GAD2: variants seen among roughly 807,000 people sequenced by gnomAD.
GAD2 encodes the protein glutamate decarboxylase 2.
GAD2 carries 22 observed loss-of-function variants against 80.1 expected under a neutral mutation model. That is an observed-to-expected ratio of 0.27 (90% CI 0.20 to 0.39). The LOEUF (loss-of-function observed/expected upper bound fraction) is 0.39, where lower values mean the gene tolerates loss of function less well. GAD2 is among the 10% of genes least tolerant of loss of function. GAD2 has a pLI of 1.00. For missense variants in GAD2, 624 were observed against 738.4 expected (o/e 0.85, Z 1.80); for synonymous variants, 274 against 256.9 (o/e 1.07, Z -0.64).
chr10:26,268,190 C>T (rs148725431), intron 8 of GAD2, among the ~76,000 whole-genome samples: 76 of 152,312 alleles, frequency 5.0e-4, no homozygotes, highest in Non-Finnish European at 6.3e-4. Flanking sequence ...TTCTCTGGGC[C>T]GGGCACGGTG....
chr10:26,284,564 CTTTTTTTTT>C (rs35046451), intron 12 of GAD2, among the ~76,000 whole-genome samples: 20 of 93,160 alleles, frequency 2.1e-4, no homozygotes, highest in Middle Eastern at 9.1e-3. Context: ...GGCTGTTCAG[CTTTTTTTTT>C]TTTTTTTTTT....
chr10:26,241,669 G>A (rs999498469), intron 7 of GAD2, among the ~76,000 whole-genome samples: 6 of 151,950 alleles, frequency 3.9e-5, no homozygotes, highest in Admixed American at 1.3e-4. Context: ...GTACGTGTAT[G>A]CACATGCATG....
intron 6 of GAD2, among the ~76,000 whole-genome samples, chr10:26,225,147 A>G (rs933025201): frequency 2.0e-5 from 3 of 152,224 alleles, no homozygotes; most frequent in African/African-American, 7.2e-5. Flanking sequence ...TTCAAGGAGG[A>G]CAGAGAACGC....
chr10:26,219,481 A>T (rs1265001096), intron 4 of GAD2, among the ~76,000 whole-genome samples: 1 of 152,186 alleles, frequency 6.6e-6, no homozygotes, highest in Non-Finnish European at 1.5e-5. Flanking sequence ...GAAGTTGATA[A>T]TGTCAGAAAC....
At chr10:26,282,441 A>T (rs895686480) in intron 12 of GAD2, among the ~76,000 whole-genome samples, 8 of 151,864 alleles carry the variant, frequency 5.3e-5, no homozygotes, top group Admixed American at 2.6e-4. Flanking sequence ...AAATATATTT[A>T]AAAAGTATAA....
chr10:26,219,643 G>C (rs1411189513), intron 4 of GAD2, among the ~76,000 whole-genome samples: 1 of 152,190 alleles, frequency 6.6e-6, no homozygotes, highest in African/African-American at 2.4e-5. Flanking sequence ...CTCGAAAAAT[G>C]CGTGATCCAA....
At chr10:26,262,270 T>G (rs1354941432) in intron 8 of GAD2, among the ~76,000 whole-genome samples, 1 of 78,576 alleles carries the variant, frequency 1.3e-5, no homozygotes, top group African/African-American at 9.7e-5. Flanking sequence ...TGGTTATTAG[T>G]TTTTTTTTTT....
At chr10:26,287,947 G>T (rs752812242) in intron 13 of GAD2, among the ~76,000 whole-genome samples, 2 of 152,228 alleles carry the variant, frequency 1.3e-5, no homozygotes, top group Non-Finnish European at 2.9e-5. Context: ...CAGGAGGGAA[G>T]TATACCAGGA....
At chr10:26,268,318 A>G (rs1231441810) in intron 8 of GAD2, among the ~76,000 whole-genome samples, 1 of 152,134 alleles carries the variant, frequency 6.6e-6, no homozygotes, top group Middle Eastern at 3.2e-3. Context: ...AATACAAAAA[A>G]TTAGCCAGGC....
intron 9 of GAD2, among the ~76,000 whole-genome samples, chr10:26,269,528 A>G (rs1447418798): frequency 6.6e-6 from 1 of 152,246 alleles, no homozygotes; most frequent in Non-Finnish European, 1.5e-5. Flanking sequence ...ACCCTGGTGC[A>G]GTTCTTCAAA....
At position 26,217,332 on chromosome 10, in the gene GAD2, G is replaced by A. The variant is rs2132267217; in HGVS notation, c.77-278G>A. On this transcript the variant is annotated intron_variant, in intron 1 of 15. Transcript: ENST00000376261. The surrounding 1 kb of genome is among the most constrained non-coding windows in gnomAD (Gnocchi z 4.9). ...TAGGAAAACTCGTCCAAGGTAGGCA[G>A]GGAGAGGAATTTGCCTGAGCCGATT... Among the ~76,000 whole-genome samples the A allele has an allele frequency of 6.6e-6, 1 of 152,310 alleles. No homozygotes were observed. Among genetic ancestry groups the A allele is most frequent in the South Asian group, 2.1e-4 (1 of 4,824 alleles).
At chr10:26,275,889 C>T (rs573097693) in intron 11 of GAD2, among the ~76,000 whole-genome samples, 14 of 152,258 alleles carry the variant, frequency 9.2e-5, no homozygotes, top group Non-Finnish European at 1.6e-4. Flanking sequence ...GGGCCGGGCA[C>T]GGTGCTTGTA....
rs1834349670 is a variant in GAD2, at chr10:26,303,473, AGGGAGGG to A, written c.*2513_*2519del. ...GAGGGAGGGAGGGAGGGAGGGAAGG[AGGGAGGG>A]AGGAAGGAAATGAAGGGAGGGAGGG... On this transcript the variant is annotated 3_prime_UTR_variant, in exon 16 of 16. Transcript: ENST00000376261. 6.4e-5 allele frequency: 7 copies of A among 109,022 alleles called. No individual in the cohort carries two copies. Among genetic ancestry groups the A allele is most frequent in the South Asian group, 3.5e-4 (1 of 2,818 alleles). The allele number at this position is 109,022 out of a possible 1,614,324, so 6.8% of individuals were successfully genotyped here. A position where few individuals can be genotyped will look rare whatever the true frequency, so the allele number is the denominator to read the frequency against.
intron 8 of GAD2, among the ~76,000 whole-genome samples, chr10:26,258,659 T>C: frequency 6.6e-6 from 1 of 152,224 alleles, no homozygotes; most frequent in East Asian, 1.9e-4. Context: ...GTAACTTGTC[T>C]ATTTCACAAT....
At chr10:26,282,599 T>C (rs1401902420) in intron 12 of GAD2, among the ~76,000 whole-genome samples, 1 of 152,180 alleles carries the variant, frequency 6.6e-6, no homozygotes, top group Non-Finnish European at 1.5e-5. Context: ...TATCACATAA[T>C]TCAATGAACA....
At chr10:26,219,013 A>G (rs373629179) in intron 3 of GAD2, 30 bp from the exon 4 acceptor site, 30 of 1,472,610 alleles carry the variant, frequency 2.0e-5, no homozygotes, top group Non-Finnish European at 2.7e-5. Context: ...AAGTAAAATT[A>G]AAATGTGGCA....
intron 7 of GAD2, among the ~76,000 whole-genome samples, chr10:26,245,324 C>T (rs1318525968): frequency 2.6e-5 from 4 of 151,530 alleles, no homozygotes; most frequent in African/African-American, 7.3e-5. Context: ...CCATGGCACA[C>T]GTTTACCTAT....
chr10:26,219,254 T>A lies in GAD2; in HGVS notation c.498T>A (p.Thr166=), dbSNP rs1410878574. The change falls in exon 4 of 16, where the codon ACT becomes ACA. Residue 166 remains threonine (T), a synonymous_variant. Coordinates refer to ENST00000376261, the MANE Select transcript of GAD2 (RefSeq NM_001134366.2). The part of the protein sequence containing the change: ...LEEILMHCQT[T]LKYAIKTGHP... The stretch of plus-strand genomic sequence containing the variant: ...AAATTTTGATGCATTGCCAAACAAC[T>A]CTAAAATATGCAATTAAAACAGGTA... The A allele has an allele frequency of 6.2e-7, 1 of 1,609,572 alleles. No individual in the cohort carries two copies.
intron 6 of GAD2, among the ~76,000 whole-genome samples, chr10:26,225,631 T>C (rs549284961): frequency 6.6e-6 from 1 of 151,916 alleles, no homozygotes; most frequent in South Asian, 2.1e-4. Flanking sequence ...GAGGCGGGGA[T>C]AGGGGAGAAA....
Sources: gnomAD v4.1 joint callset for allele counts (sites outside exome capture counted in the v4.1 genomes callset) on GRCh38, gnomAD v4.1.1 for gene constraint, Gnocchi (gnomAD v3.1) non-coding constraint, MANE v1.5 for transcripts, NCBI Gene and HGNC (gene_info 2026-07-23, HGNC 2026-07-21) for gene names.